SEC14L5: variants seen among roughly 807,000 people sequenced by gnomAD.
The protein encoded by SEC14L5 is SEC14 like lipid binding 5, also known as SEC14-like protein 5.
SEC14L5 carries 96 observed loss-of-function variants against 84.6 expected under a neutral mutation model. The observed-to-expected ratio is 1.13, with a 90% confidence interval of 0.96 to 1.34. The LOEUF (loss-of-function observed/expected upper bound fraction) is 1.34, where lower values mean the gene tolerates loss of function less well. SEC14L5 is among the 40% of genes most tolerant of loss of function. The pLI, the probability that SEC14L5 is intolerant of heterozygous loss-of-function variation, is 0.00. For missense variants in SEC14L5, 1,224 were observed against 942.5 expected, an observed-to-expected ratio of 1.30 and a Z score of -3.91; for synonymous variants, 546 against 383.4, an observed-to-expected ratio of 1.42 and a Z score of -4.95.
chr16:5,012,123 T>C (rs1304117237), intron 15 of SEC14L5, among the ~76,000 whole-genome samples: 1 of 152,126 alleles, frequency 6.6e-6, no homozygotes, highest in African/African-American at 2.4e-5. Flanking sequence ...TGAAGAACAC[T>C]GGGGCAGAGT....
intron 2 of SEC14L5, among the ~76,000 whole-genome samples, chr16:4,976,901 C>T (rs1955347760): frequency 6.6e-6 from 1 of 152,202 alleles, no homozygotes; most frequent in Non-Finnish European, 1.5e-5. Context: ...ACTGTAGGGA[C>T]AGGAGCCGGC....
Position 4,958,426 on chromosome 16 carries a change from G to A in SEC14L5, c.-71G>A, listed in dbSNP as rs1248668900. 1 of 152,300 alleles carries A rather than the reference G, an allele frequency of 6.6e-6. No homozygotes were observed. Among genetic ancestry groups the A allele is most frequent in the African/African-American group, 2.4e-5 (1 of 41,300 alleles). The allele number at this position is 152,300 out of a possible 1,614,324, so 9.4% of individuals were successfully genotyped here. ...GCGGGACACACCAGGCTAGAGATCC[G>A]CGATCGGGCCCCGCCTCAGGTACTG... On this transcript the variant is annotated 5_prime_UTR_variant, in exon 1 of 16. Coordinates refer to ENST00000251170, the MANE Select transcript of SEC14L5 (RefSeq NM_014692.2).
intron 2 of SEC14L5, among the ~76,000 whole-genome samples, chr16:4,986,420 G>A (rs968692562): frequency 3.3e-5 from 5 of 152,180 alleles, no homozygotes; most frequent in African/African-American, 4.8e-5. Flanking sequence ...GATTGTATGC[G>A]TGAGCCACCA....
chr16:4,999,830 G>C (rs1432638961), intron 8 of SEC14L5, among the ~76,000 whole-genome samples: 2 of 151,936 alleles, frequency 1.3e-5, no homozygotes, highest in South Asian at 2.1e-4. Flanking sequence ...TGTGAGAATC[G>C]CTTGAACCTG....
At chr16:4,990,975 A>G in intron 5 of SEC14L5, 80 bp downstream of exon 5, 1 of 1,223,150 alleles carries the variant, frequency 8.2e-7, no homozygotes, top group South Asian at 1.6e-5. Flanking sequence ...ACCCCTGGCA[A>G]GACCCTTACC....
At chr16:5,005,686 C>T (rs907462486) in intron 11 of SEC14L5, among the ~76,000 whole-genome samples, 1 of 151,226 alleles carries the variant, frequency 6.6e-6, no homozygotes, top group Admixed American at 6.6e-5. Context: ...ATGGTGAAAC[C>T]CCGTCTGTAC....
intron 3 of SEC14L5, 127 bp downstream of exon 3, chr16:4,987,833 A>G (rs1955509257): frequency 9.6e-6 from 7 of 730,542 alleles, no homozygotes; most frequent in African/African-American, 1.8e-5. Context: ...GTGAGTTGAT[A>G]TTTGGATGGA....
At chr16:4,962,693 A>C in intron 2 of SEC14L5, among the ~76,000 whole-genome samples, 1 of 151,134 alleles carries the variant, frequency 6.6e-6, no homozygotes, top group East Asian at 1.9e-4. Flanking sequence ...TCTCAAAAAA[A>C]AAAAAAAAAA....
chr16:4,981,880 C>A (rs1448006271), intron 2 of SEC14L5, among the ~76,000 whole-genome samples: 1 of 152,212 alleles, frequency 6.6e-6, no homozygotes, highest in Non-Finnish European at 1.5e-5. Context: ...CCAGCCTCCA[C>A]TGGCTTTACT....
chr16:4,974,632 T>C (rs1243889920), intron 2 of SEC14L5, among the ~76,000 whole-genome samples: 1 of 152,090 alleles, frequency 6.6e-6, no homozygotes, highest in Non-Finnish European at 1.5e-5. Flanking sequence ...ATAAGGTCTT[T>C]AGTGGTGATT....
chr16:5,004,150 G>A (rs1955707077), intron 11 of SEC14L5, among the ~76,000 whole-genome samples: 2 of 152,338 alleles, frequency 1.3e-5, no homozygotes, highest in South Asian at 4.1e-4. Flanking sequence ...AGGGACGACA[G>A]CACCTGAGGA....
chr16:5,008,144 G>T lies in SEC14L5; in HGVS notation c.1573-277G>T, dbSNP rs540047535. Among the ~76,000 whole-genome samples the T allele has an allele frequency of 1.2e-4, 18 of 152,016 alleles. No homozygotes were observed. The South Asian group carries it at 3.7e-3, about 32-fold the overall frequency. On this transcript the variant is annotated intron_variant, in intron 13 of 15. Transcript: ENST00000251170. ...TTGGCCAGACTGGTCTCGAACTCCT[G>T]ACCTCAAGTGATCCACCCACCTCGG...
At chr16:4,997,952 AT>A (rs1955629412) in intron 8 of SEC14L5, among the ~76,000 whole-genome samples, 1 of 149,060 alleles carries the variant, frequency 6.7e-6, no homozygotes, top group Admixed American at 6.7e-5. Flanking sequence ...GTGTGATTTT[AT>A]CTTGAGATCC....
rs1955861827 is a variant in SEC14L5 at position 5,015,258 on chromosome 16, C to A, written c.*288C>A. On this transcript the variant is annotated 3_prime_UTR_variant, in exon 16 of 16. Coordinates refer to ENST00000251170, the MANE Select transcript of SEC14L5 (RefSeq NM_014692.2). ...ATACCACACCTTTGGGACATCCGGG[C>A]TTAGCGACGTCAGCCAGGCCCATCT... The A allele has an allele frequency of 2.7e-6, 1 of 376,480 alleles. No homozygotes were observed. The highest frequency in any genetic ancestry group is 2.0e-5 in the African/African-American group (1 of 49,240). 23.3% of individuals were successfully genotyped at this position (376,480 alleles called of 1,614,324 possible). A position where few individuals can be genotyped will look rare whatever the true frequency, so the allele number is the denominator to read the frequency against.
intron 2 of SEC14L5, among the ~76,000 whole-genome samples, chr16:4,968,458 C>A (rs1360246487): frequency 1.3e-5 from 2 of 152,158 alleles, no homozygotes; most frequent in African/African-American, 4.8e-5. Context: ...GGGTTACAGG[C>A]GTGGGCCACG....
rs772924070 is a variant in SEC14L5 at position 5,005,896 on chromosome 16, CT to C, written c.1303-16del. On this transcript the variant is annotated splice_polypyrimidine_tract_variant and intron_variant, in intron 11 of 15. Coordinates refer to ENST00000251170, the MANE Select transcript of SEC14L5 (RefSeq NM_014692.2). ...AAAAAAAAAAAACCATCCATCTTGC[CT>C]TATGTCCTGGTTTCAGATCAGCCCC... is the stretch of plus-strand genomic sequence containing the variant. 2.0e-6 allele frequency: 3 copies of C among 1,477,112 alleles called. No individual in the cohort carries two copies. In the South Asian group the frequency reaches 3.7e-5, roughly 18 times the overall value. The allele number at this position is 1,477,112 out of a possible 1,614,324, so 91.5% of individuals were successfully genotyped here. A position where few individuals can be genotyped will look rare whatever the true frequency, so the allele number is the denominator to read the frequency against.
chr16:4,965,229 A>G (rs77562162), intron 2 of SEC14L5, among the ~76,000 whole-genome samples: 4,171 of 152,310 alleles, frequency 0.027, 75 homozygotes, highest in Non-Finnish European at 0.042. Context: ...TTCACTGTGT[A>G]TGAATAGACC....
At chr16:4,992,830 T>A (rs1279086580) in intron 6 of SEC14L5, among the ~76,000 whole-genome samples, 1 of 152,182 alleles carries the variant, frequency 6.6e-6, no homozygotes, top group Non-Finnish European at 1.5e-5. Flanking sequence ...TATATGCACA[T>A]AAAATGTATA....
chr16:5,001,682 C>A (rs146888015), intron 10 of SEC14L5, among the ~76,000 whole-genome samples: 7 of 152,324 alleles, frequency 4.6e-5, no homozygotes, highest in Non-Finnish European at 1.0e-4. Context: ...CATTTCTGTT[C>A]CTGAACTGTT....
Sources: allele counts gnomAD v4.1 joint callset (sites outside exome capture counted in the v4.1 genomes callset), GRCh38; gene constraint gnomAD v4.1.1; transcripts MANE v1.5; gene names NCBI Gene and HGNC (gene_info 2026-07-23, HGNC 2026-07-21).